Variants in C12orf42 observed in about 807,000 individuals in gnomAD.
C12orf42 encodes chromosome 12 open reading frame 42.
In C12orf42, 25 loss-of-function variants were observed where a neutral mutation model predicts 21.6. The observed-to-expected ratio is 1.16, with a 90% CI of 0.84 to 1.62. The LOEUF (loss-of-function observed/expected upper bound fraction) is 1.62. Among genes scored for constraint, C12orf42 ranks in the 40% most tolerant of loss-of-function variants. C12orf42 has a pLI of 0.00. For missense variants in C12orf42, 483 were observed against 459.3 expected (o/e 1.05, Z -0.47); for synonymous variants, 174 against 175.0 (o/e 0.99, Z 0.05).
intron 2 of C12orf42, among the ~76,000 whole-genome samples, chr12:103,434,131 T>C (rs1235681206): frequency 6.6e-6 from 1 of 152,182 alleles, no homozygotes; most frequent in African/African-American, 2.4e-5. Context: ...CAAGACCAGC[T>C]TCTTGAAACT....
chr12:103,106,840 G>A, the C12orf42 span, among the ~76,000 whole-genome samples: 1 of 151,982 alleles, frequency 6.6e-6, no homozygotes, highest in African/African-American at 2.4e-5. Context: ...TCTAAAGAAA[G>A]ATATTCTGAG....
chr12:103,265,113 G>C (rs970434435), downstream of C12orf42, among the ~76,000 whole-genome samples: 1 of 152,146 alleles, frequency 6.6e-6, no homozygotes, highest in African/African-American at 2.4e-5. Context: ...ATGGCAGAGA[G>C]AGGGCTAGAG....
At chr12:103,287,708 TAA>T (rs1213203462) in intron 4 of C12orf42, among the ~76,000 whole-genome samples, 15 of 111,388 alleles carry the variant, frequency 1.3e-4, no homozygotes, top group African/African-American at 4.8e-4. Context: ...AGTATAATAA[TAA>T]AAAAAAAAAA....
the C12orf42 span, among the ~76,000 whole-genome samples, chr12:103,531,979 T>C: frequency 1.3e-4 from 20 of 152,366 alleles, no homozygotes; most frequent in Admixed American, 3.3e-4. Flanking sequence ...CAGACTCTGC[T>C]GCAATGGCCT....
chr12:103,146,166 A>G, the C12orf42 span, among the ~76,000 whole-genome samples: 2 of 152,086 alleles, frequency 1.3e-5, no homozygotes, highest in African/African-American at 2.4e-5. Context: ...AATAAAAGTT[A>G]TTTATAAGGT....
chr12:103,322,116 C>CGT lies in C12orf42; in HGVS notation c.260-15772_260-15771insAC, dbSNP rs2040217322. On this transcript the variant is annotated intron_variant, in intron 4 of 5. Coordinates refer to ENST00000548883, the MANE Select transcript of C12orf42 (RefSeq NM_198521.5). ...TCAGATGTGCACGCGCGTGCGTGCG[C>CGT]GCGCGCGCGCACACACACACACACA... is the stretch of plus-strand genomic sequence containing the variant. 2.1e-5 allele frequency among the ~76,000 whole-genome samples: 2 copies of CGT among 96,728 alleles called. 1 individual carries two copies. Among genetic ancestry groups the CGT allele is most frequent in the South Asian group, 7.5e-4 (2 of 2,678 alleles). 63.5% of individuals were successfully genotyped at this position (96,728 alleles called of 152,430 possible). A position where few individuals can be genotyped will look rare whatever the true frequency, so the allele number is the denominator to read the frequency against.
chr12:103,066,505 C>A, the C12orf42 span, among the ~76,000 whole-genome samples: 1 of 152,214 alleles, frequency 6.6e-6, no homozygotes, highest in African/African-American at 2.4e-5. Context: ...GCACGATATG[C>A]AGGCACCATT....
At chr12:103,280,623 C>CA (rs199721645) in intron 4 of C12orf42, among the ~76,000 whole-genome samples, 12,647 of 151,224 alleles carry the variant, frequency 0.084, 524 homozygotes, top group East Asian at 0.18. Context: ...CATCTCCACA[C>CA]AAAAAAAATC....
chr12:103,379,682 T>C (rs1447802813), intron 3 of C12orf42, among the ~76,000 whole-genome samples: 1 of 152,250 alleles, frequency 6.6e-6, no homozygotes, highest in Non-Finnish European at 1.5e-5. Context: ...GATATTTGGA[T>C]GTGTAAACAT....
Position 103,460,233 on chromosome 12 carries a change from G to A in C12orf42, c.78+18116C>T, listed in dbSNP as rs74241055. On this transcript the variant is annotated intron_variant, in intron 2 of 5. Transcript: ENST00000548883. ...GACCTTTGTTTGGTCAACCCCTAGA[G>A]AGACTGGTGGACATTCTCTTCCAAA... 0.012 allele frequency among the ~76,000 whole-genome samples: 1,848 copies of A among 151,234 alleles called. 206 individuals are homozygous for A. In the East Asian group the frequency reaches 0.25, roughly 21 times the overall value.
At chr12:103,541,811 T>C in the C12orf42 span, among the ~76,000 whole-genome samples, 274 of 152,294 alleles carry the variant, frequency 1.8e-3, 1 homozygote, top group African/African-American at 6.2e-3. Context: ...CCATGGTTTA[T>C]GTTGCTGGTA....
chr12:103,251,372 C>T (rs569242433), intron 10 of C12orf42, among the ~76,000 whole-genome samples: 114 of 152,260 alleles, frequency 7.5e-4, no homozygotes, highest in African/African-American at 2.6e-3. Context: ...AATTCCCTTA[C>T]ACAAACTTTA....
chr12:103,508,724 A>G, the C12orf42 span, among the ~76,000 whole-genome samples: 1 of 152,294 alleles, frequency 6.6e-6, no homozygotes, highest in South Asian at 2.1e-4. Context: ...TTTGTGCAAC[A>G]TAGTATAGGA....
At chr12:103,379,199 G>C (rs533881393) in intron 3 of C12orf42, among the ~76,000 whole-genome samples, 54 of 152,292 alleles carry the variant, frequency 3.5e-4, no homozygotes, top group East Asian at 2.1e-3. Context: ...TCTCCACTTA[G>C]TTATTAATTA....
intron 3 of C12orf42, among the ~76,000 whole-genome samples, chr12:103,399,144 T>G (rs1468800396): frequency 1.3e-5 from 2 of 151,882 alleles, no homozygotes; most frequent in African/African-American, 4.8e-5. Context: ...TTTTAATAAT[T>G]TATATATTTT....
At chr12:103,398,173 C>T (rs1437035341) in intron 3 of C12orf42, among the ~76,000 whole-genome samples, 1 of 152,172 alleles carries the variant, frequency 6.6e-6, no homozygotes, top group Non-Finnish European at 1.5e-5. Context: ...ATACCTTTGT[C>T]AACACTTTTT....
At chr12:103,486,367 C>T (rs765180251) in intron 1 of C12orf42, among the ~76,000 whole-genome samples, 53 of 152,054 alleles carry the variant, frequency 3.5e-4, no homozygotes, top group African/African-American at 7.0e-4. Context: ...CTGCTGGATT[C>T]GGTTTGCCAG....
At chr12:103,327,032 T>C (rs1477088229) in intron 4 of C12orf42, among the ~76,000 whole-genome samples, 1 of 152,182 alleles carries the variant, frequency 6.6e-6, no homozygotes, top group African/African-American at 2.4e-5. Flanking sequence ...AATAACAGAA[T>C]GCCCAAAGTA....
At chr12:103,480,016 C>T (rs1203544778) in intron 1 of C12orf42, among the ~76,000 whole-genome samples, 1 of 151,874 alleles carries the variant, frequency 6.6e-6, no homozygotes, top group Non-Finnish European at 1.5e-5. Flanking sequence ...ATTTAAATTA[C>T]TTGCCCCTTA....
Sources: allele counts gnomAD v4.1 joint callset (sites outside exome capture counted in the v4.1 genomes callset), GRCh38; gene constraint gnomAD v4.1.1; transcripts MANE v1.5; gene names NCBI Gene and HGNC (gene_info 2026-07-23, HGNC 2026-07-21).